HINFP: variants seen among roughly 807,000 people sequenced by gnomAD.
The protein encoded by HINFP is MBD2 (methyl-CpG-binding protein)-interacting zinc finger protein.
HINFP carries 20 observed loss-of-function variants against 50.1 expected under a neutral mutation model. The ratio of observed to expected loss-of-function variants is 0.40; its 90% CI spans 0.28 to 0.58. The LOEUF is 0.58. HINFP is among the 20% of genes least tolerant of loss of function. The pLI is 0.45. For synonymous variants in HINFP, 247 were observed against 243.7 expected (o/e 1.01, Z -0.13); for missense variants, 505 against 664.1 (o/e 0.76, Z 2.63).
In HINFP at chr11:119,127,107, G is replaced by A; in HGVS notation, c.163G>A (p.Glu55Lys). ...CTCTGGGGAGGAGGAGGAAGAGGAA[G>A]AGGAGGATGACCCACTTGGTAAGAG... ...HGSGEEEEEE[E>K]EDDPLEEEFS... Residue 55 changes from glutamate (E) to lysine (K), a missense_variant, in exon 2 of 10, where the codon GAG becomes AAG. Transcript: ENST00000350777. The A allele has an allele frequency of 6.2e-7, 1 of 1,612,338 alleles. No homozygotes were observed. The highest frequency in any genetic ancestry group is 8.5e-7 in the Non-Finnish European group (1 of 1,179,638).
At position 119,131,961 on chromosome 11, in the gene HINFP, C is replaced by T. The variant is rs1365501038; in HGVS notation, c.655C>T (p.Arg219Cys). Residue 219 changes from arginine (R) to cysteine (C), a missense_variant, in exon 5 of 10, where the codon CGT becomes TGT. Coordinates refer to ENST00000350777, the MANE Select transcript of HINFP (RefSeq NM_198971.3). The surrounding 1 kb of genome is among the most constrained non-coding windows in gnomAD (Gnocchi z 4.2). ...ANNTKFLDHI[R>C]RQTSLDQQHF... is the part of the protein sequence containing the mutation. ...CAATACCAAGTTCTTAGATCACATC[C>T]GTCGCCAGACCTCATTGGATCGTAA... The T allele has an allele frequency of 1.9e-6, 3 of 1,613,928 alleles. No homozygotes were observed. The highest frequency in any genetic ancestry group is 1.7e-5 in the Admixed American group (1 of 59,994).
chr11:119,133,928 A>G, intron 9 of HINFP, 156 bp from the exon 10 acceptor site: 2 of 929,294 alleles, frequency 2.2e-6, no homozygotes, highest in Non-Finnish European at 1.6e-6. Flanking sequence ...CTTTTCTTCT[A>G]CATATTCCAA....
chr11:119,131,356 T>C lies in HINFP; in HGVS notation c.412-179T>C. 6.5e-6 allele frequency: 4 copies of C among 618,750 alleles called. No individual in the cohort carries two copies. Among genetic ancestry groups the C allele is most frequent in the Non-Finnish European group, 1.2e-5 (4 of 340,836 alleles). 38.3% of individuals were successfully genotyped at this position (618,750 alleles called of 1,614,324 possible). A position where few individuals can be genotyped will look rare whatever the true frequency, so the allele number is the denominator to read the frequency against. On this transcript the variant is annotated intron_variant, in intron 3 of 9. Transcript: ENST00000350777. This position sits in a 1 kb window ranked among gnomAD's most constrained non-coding sequence, Gnocchi z 4.2. ...CTCCTGCCTCAGCCTCTCAAAGTGC[T>C]GGGATTACAGGGTTTAGCAACCGCA...
At position 119,135,451 on chromosome 11, in the gene HINFP, A is replaced by G. The variant is rs1425530166; in HGVS notation, c.*953A>G. 2 of 152,190 alleles carry G rather than the reference A, an allele frequency of 1.3e-5. No homozygotes were observed. Among genetic ancestry groups the G allele is most frequent in the African/African-American group, 4.8e-5 (2 of 41,430 alleles). The allele number at this position is 152,190 out of a possible 1,614,324, so 9.4% of individuals were successfully genotyped here. The stretch of plus-strand genomic sequence containing the variant: ...GGTGGAGAGGATTGGGAAGCCTCCC[A>G]GGGAAGGGAGGCAATCAAGTGGTCC... On this transcript the variant is annotated 3_prime_UTR_variant, in exon 10 of 10. Coordinates refer to ENST00000350777, the MANE Select transcript of HINFP (RefSeq NM_198971.3).
chr11:119,131,996 G>A lies in HINFP; in HGVS notation c.676+14G>A. 1 of 1,613,750 alleles carries A rather than the reference G, an allele frequency of 6.2e-7. No individual in the cohort carries two copies. On this transcript the variant is annotated intron_variant, in intron 5 of 9. Transcript: ENST00000350777. This position sits in a 1 kb window ranked among gnomAD's most constrained non-coding sequence, Gnocchi z 4.2. ...CCTCATTGGATCGTAAGTAGTCAGA[G>A]GAAGTGGGGTGGATGCAGGCTGTCC...
intron 1 of HINFP, chr11:119,124,580 G>A (rs1399167842): frequency 6.6e-6 from 1 of 152,132 alleles, no homozygotes; most frequent in Non-Finnish European, 1.5e-5. Context: ...CACAACTGGG[G>A]TGCTGAGTTA....
rs1947974707 is a variant in HINFP, at chr11:119,134,606, G to T, written c.*108G>T. 1.2e-5 allele frequency: 10 copies of T among 823,034 alleles called. No individual in the cohort carries two copies. In the South Asian group the frequency reaches 1.8e-4, roughly 15 times the overall value. 51.0% of individuals were successfully genotyped at this position (823,034 alleles called of 1,614,324 possible). ...GCCAATGGATGCCTTTAGGAGTGGT[G>T]CCGAGAGCAGTGTGGTCCACTCTGG... On this transcript the variant is annotated 3_prime_UTR_variant, in exon 10 of 10. Transcript: ENST00000350777. The surrounding 1 kb of genome is among the most constrained non-coding windows in gnomAD (Gnocchi z 4.3).
intron 9 of HINFP, chr11:119,133,565 C>A: frequency 4.6e-6 from 1 of 216,102 alleles, no homozygotes; most frequent in Non-Finnish European, 9.2e-6. Flanking sequence ...GGTGACAGAG[C>A]GAGACTCCAT....
At chr11:119,128,514 T>C (rs1406938902) in intron 2 of HINFP, among the ~76,000 whole-genome samples, 1 of 151,186 alleles carries the variant, frequency 6.6e-6, no homozygotes, top group African/African-American at 2.4e-5. Flanking sequence ...TTCACCATGT[T>C]AGCCAGGATG....
chr11:119,132,516 C>T lies in HINFP; in HGVS notation c.697C>T (p.His233Tyr), dbSNP rs775948465. The change falls in exon 6 of 10, where the codon CAC becomes TAC. Residue 233 changes from histidine (H) to tyrosine (Y), a missense_variant. His to Tyr is a moderately conservative substitution (Grantham distance 83). Transcript: ENST00000350777. ...SLDQQHFQCS[H>Y]CSKRFATERL... Reference sequence around the variant, plus strand: ...CCCAGAGCAGCACTTCCAGTGTTCTCACTGTTCCAAGAGATTTGCCACAGA... The same window carrying T: ...CCCAGAGCAGCACTTCCAGTGTTCTTACTGTTCCAAGAGATTTGCCACAGA... The T allele has an allele frequency of 2.5e-6, 4 of 1,614,164 alleles. No individual in the cohort carries two copies. The South Asian group carries it at 4.4e-5, about 18-fold the overall frequency.
chr11:119,134,628 C>T lies in HINFP; in HGVS notation c.*130C>T, dbSNP rs1947976229. On this transcript the variant is annotated 3_prime_UTR_variant, in exon 10 of 10. Coordinates refer to ENST00000350777, the MANE Select transcript of HINFP (RefSeq NM_198971.3). This position sits in a 1 kb window ranked among gnomAD's most constrained non-coding sequence, Gnocchi z 4.3. ...GGTGCCGAGAGCAGTGTGGTCCACT[C>T]TGGCCTGGGTTTGCATCATTCTGCA... The T allele has an allele frequency of 1.2e-5, 8 of 680,616 alleles. No homozygotes were observed. In the South Asian group the frequency reaches 1.5e-4, roughly 12 times the overall value. The allele number at this position is 680,616 out of a possible 1,614,324, so 42.2% of individuals were successfully genotyped here. A position where few individuals can be genotyped will look rare whatever the true frequency, so the allele number is the denominator to read the frequency against.
chr11:119,133,056 T>A (rs1485723761), intron 8 of HINFP, 39 bp from the exon 9 acceptor site: 4 of 1,613,942 alleles, frequency 2.5e-6, no homozygotes, highest in Non-Finnish European at 3.4e-6. Context: ...GACCCTGGGG[T>A]GAAGAGCTGG....
At chr11:119,129,334 C>A (rs616458) in intron 2 of HINFP, among the ~76,000 whole-genome samples, 5 of 151,700 alleles carry the variant, frequency 3.3e-5, no homozygotes, top group African/African-American at 1.2e-4. Flanking sequence ...CCACTGCGCC[C>A]GACCAAAGCC....
chr11:119,126,681 TG>T, intron 1 of HINFP: 1 of 314,630 alleles, frequency 3.2e-6, no homozygotes, highest in East Asian at 5.9e-5. Context: ...CATGAGAAAA[TG>T]TCTGTTAAAG....
chr11:119,134,664 A>G lies in HINFP; in HGVS notation c.*166A>G. Reference sequence around the variant, plus strand: ...TTGCATCATTCTGCAGACTCTAAAGACTTCCCTTTTCTGCCAGACTACATT... The same window carrying G: ...TTGCATCATTCTGCAGACTCTAAAGGCTTCCCTTTTCTGCCAGACTACATT... On this transcript the variant is annotated 3_prime_UTR_variant, in exon 10 of 10. Transcript: ENST00000350777. The surrounding 1 kb of genome is among the most constrained non-coding windows in gnomAD (Gnocchi z 4.3). The G allele has an allele frequency of 1.8e-6, 1 of 553,134 alleles. No homozygotes were observed. The highest frequency in any genetic ancestry group is 3.2e-6 in the Non-Finnish European group (1 of 316,496). The allele number at this position is 553,134 out of a possible 1,614,324, so 34.3% of individuals were successfully genotyped here. A position where few individuals can be genotyped will look rare whatever the true frequency, so the allele number is the denominator to read the frequency against.
At chr11:119,132,388 C>G in intron 5 of HINFP, 108 bp from the exon 6 acceptor site, 1 of 1,066,632 alleles carries the variant, frequency 9.4e-7, no homozygotes, top group Non-Finnish European at 1.4e-6. Flanking sequence ...CCTAAGCTCT[C>G]CTTTTCTCCT....
intron 2 of HINFP, among the ~76,000 whole-genome samples, chr11:119,129,088 T>C (rs1947595254): frequency 6.6e-6 from 1 of 152,096 alleles, no homozygotes; most frequent in African/African-American, 2.4e-5. Flanking sequence ...TTGCTCAGGC[T>C]AGAGTGCAAT....
At position 119,134,483 on chromosome 11, in the gene HINFP, G is replaced by T. The variant is rs1342406898; in HGVS notation, c.1539G>T (p.Glu513Asp). The T allele has an allele frequency of 6.2e-7, 1 of 1,601,898 alleles. No homozygotes were observed. The highest frequency in any genetic ancestry group is 8.5e-7 in the Non-Finnish European group (1 of 1,172,352). The stretch of plus-strand genomic sequence containing the variant: ...TTCAAGGAATAGCTGAGGAGCCAGA[G>T]ATCCAGATGGTTTGAAGGCCGCAGA... ...EKLQGIAEEP[E>D]IQMV The change falls in exon 10 of 10, where the codon GAG (glutamate) becomes GAT (aspartate). Residue 513 changes from glutamate to aspartate, a missense_variant. Transcript: ENST00000350777. This position sits in a 1 kb window ranked among gnomAD's most constrained non-coding sequence, Gnocchi z 4.3.
intron 2 of HINFP, 187 bp downstream of exon 2, chr11:119,127,312 A>C (rs1382823850): frequency 2.1e-6 from 1 of 485,348 alleles, no homozygotes; most frequent in African/African-American, 2.0e-5. Flanking sequence ...ATAAGGAATA[A>C]ATCTGCCATC....
Sources: gnomAD v4.1 joint callset for allele counts (sites outside exome capture counted in the v4.1 genomes callset) on GRCh38, gnomAD v4.1.1 for gene constraint, Gnocchi (gnomAD v3.1) non-coding constraint, MANE v1.5 for transcripts, NCBI Gene and HGNC (gene_info 2026-07-23, HGNC 2026-07-21) for gene names.